Variants in UCK2 observed in about 807,000 individuals in gnomAD.
The protein encoded by UCK2 is uridine-cytidine kinase 2, also known as cytidine monophosphokinase 2.
UCK2 carries 6 observed loss-of-function variants against 30.8 expected under a neutral mutation model. The observed-to-expected ratio is 0.19, with a 90% CI of 0.11 to 0.38. The LOEUF is 0.38. UCK2 is among the 10% of genes least tolerant of loss of function. The pLI, the probability that UCK2 is intolerant of heterozygous loss-of-function variation, is 1.00. For synonymous variants in UCK2, 125 were observed against 133.6 expected (o/e 0.94, Z 0.45); for missense variants, 210 against 339.8 (o/e 0.62, Z 3.00).
At chr1:165,882,187 G>A (rs894360724) in intron 1 of UCK2, among the ~76,000 whole-genome samples, 1 of 152,200 alleles carries the variant, frequency 6.6e-6, no homozygotes, top group Non-Finnish European at 1.5e-5. Flanking sequence ...GTGGTCTGGG[G>A]ACACTGGTTC....
Position 165,840,936 on chromosome 1 carries a change from C to T in UCK2, c.99+13004C>T, listed in dbSNP as rs1341598285. Among the ~76,000 whole-genome samples, 6 of 152,188 alleles carry T rather than the reference C, an allele frequency of 3.9e-5. No individual in the cohort carries two copies. In the South Asian group the frequency reaches 8.3e-4, roughly 21 times the overall value. On this transcript the variant is annotated intron_variant, in intron 1 of 6. Transcript: ENST00000367879. ...GTTCAATGAATTATCATATGGTGAA[C>T]ATAGATTATTCCCAGCACCACAGAA...
chr1:165,866,345 A>G (rs535608739), intron 1 of UCK2, among the ~76,000 whole-genome samples: 1 of 152,264 alleles, frequency 6.6e-6, no homozygotes, highest in Non-Finnish European at 1.5e-5. Context: ...TTGAACCTGG[A>G]GGACATCTTG....
chr1:165,867,679 T>G (rs1171355463), intron 1 of UCK2, among the ~76,000 whole-genome samples: 2 of 152,230 alleles, frequency 1.3e-5, no homozygotes, highest in African/African-American at 4.8e-5. Flanking sequence ...TTGCAACAAT[T>G]CAGTCACATC....
chr1:165,888,159 T>C (rs1426845674), intron 1 of UCK2, among the ~76,000 whole-genome samples: 2 of 152,232 alleles, frequency 1.3e-5, no homozygotes, highest in South Asian at 2.1e-4. Flanking sequence ...ATTGTAACTT[T>C]AAAAGATTTC....
chr1:165,895,007 A>G (rs1655857487), intron 3 of UCK2, among the ~76,000 whole-genome samples: 2 of 152,242 alleles, frequency 1.3e-5, no homozygotes, highest in Non-Finnish European at 2.9e-5. Flanking sequence ...GGACAGAATC[A>G]AAAGACAAAA....
chr1:165,870,003 C>G (rs1030920692), intron 1 of UCK2, among the ~76,000 whole-genome samples: 32 of 151,872 alleles, frequency 2.1e-4, no homozygotes, highest in Middle Eastern at 3.2e-3. Flanking sequence ...TCTTTTGTTG[C>G]CTGTGCTTTC....
chr1:165,870,201 A>ATT (rs11336105), intron 1 of UCK2, among the ~76,000 whole-genome samples: 9 of 94,704 alleles, frequency 9.5e-5, no homozygotes, highest in African/African-American at 3.5e-4. Context: ...GTCTAACTTC[A>ATT]TTTTTTTTTT....
At chr1:165,873,097 G>C (rs916345922) in intron 1 of UCK2, among the ~76,000 whole-genome samples, 1 of 152,068 alleles carries the variant, frequency 6.6e-6, no homozygotes, top group South Asian at 2.1e-4. Flanking sequence ...AGGAACTACC[G>C]AAAAACAAAC....
intron 1 of UCK2, among the ~76,000 whole-genome samples, chr1:165,859,862 G>A (rs1006144378): frequency 1.1e-4 from 17 of 152,190 alleles, no homozygotes; most frequent in African/African-American, 4.1e-4. Flanking sequence ...ACTCAACTCT[G>A]GGGAAGAAGC....
intron 1 of UCK2, among the ~76,000 whole-genome samples, chr1:165,877,163 C>T (rs551382161): frequency 1.3e-4 from 20 of 152,130 alleles, no homozygotes; most frequent in Non-Finnish European, 2.9e-4. Flanking sequence ...TAATTATTAA[C>T]ACTGCTTTGT....
chr1:165,884,006 C>T (rs1655560008), intron 1 of UCK2, among the ~76,000 whole-genome samples: 1 of 152,158 alleles, frequency 6.6e-6, no homozygotes, highest in Non-Finnish European at 1.5e-5. Flanking sequence ...GGGAGCAACC[C>T]CTACCCGCAA....
intron 1 of UCK2, among the ~76,000 whole-genome samples, chr1:165,836,751 C>T (rs1654204049): frequency 6.6e-6 from 1 of 152,140 alleles, no homozygotes. Context: ...TCATGTGGCT[C>T]AGGAAGTTTT....
chr1:165,883,080 T>C (rs113483388), intron 1 of UCK2, among the ~76,000 whole-genome samples: 4,736 of 152,250 alleles, frequency 0.031, 244 homozygotes, highest in African/African-American at 0.11. Context: ...TGACTCGGCC[T>C]CTCAAAGTGC....
chr1:165,840,223 C>T (rs370182167), intron 1 of UCK2, among the ~76,000 whole-genome samples: 2 of 152,346 alleles, frequency 1.3e-5, no homozygotes, highest in African/African-American at 4.8e-5. Flanking sequence ...CCGGCCTGGT[C>T]AGCCTTTAAA....
intron 1 of UCK2, among the ~76,000 whole-genome samples, chr1:165,828,417 G>C (rs1430241235): frequency 6.6e-6 from 1 of 152,226 alleles, no homozygotes; most frequent in Non-Finnish European, 1.5e-5. Context: ...AGAGGGCGAG[G>C]GTGGCGGGAA....
At chr1:165,902,006 C>T (rs1015189032) in intron 4 of UCK2, among the ~76,000 whole-genome samples, 1 of 148,262 alleles carries the variant, frequency 6.7e-6, no homozygotes, top group African/African-American at 2.5e-5. Context: ...GAGGCTGAGG[C>T]GGGTGGATCA....
rs1223282712 is a variant in UCK2, at chr1:165,861,627, C to CAAA, written c.100-28557_100-28555dup. Among the ~76,000 whole-genome samples the CAAA allele has an allele frequency of 4.1e-3, 64 of 15,800 alleles. 4 individuals are homozygous for CAAA. The highest frequency in any genetic ancestry group is 5.7e-3 in the Non-Finnish European group (48 of 8,396). The allele number at this position is 15,800 out of a possible 152,430, so 10.4% of individuals were successfully genotyped here. A position where few individuals can be genotyped will look rare whatever the true frequency, so the allele number is the denominator to read the frequency against. ...TGGGCGACAGAGCGAGACTCCGTCT[C>CAAA]AAAAAAAAAAAAAAAAAAAAAACAA... On this transcript the variant is annotated intron_variant, in intron 1 of 6. Coordinates refer to ENST00000367879, the MANE Select transcript of UCK2 (RefSeq NM_012474.5).
intron 1 of UCK2, among the ~76,000 whole-genome samples, chr1:165,877,872 T>C (rs940170041): frequency 2.6e-5 from 4 of 152,194 alleles, no homozygotes; most frequent in South Asian, 2.1e-4. Flanking sequence ...GAGGAAAAGA[T>C]AGAGATTTCT....
intron 1 of UCK2, among the ~76,000 whole-genome samples, chr1:165,834,761 T>C (rs972874270): frequency 1.3e-5 from 2 of 152,184 alleles, no homozygotes; most frequent in Non-Finnish European, 2.9e-5. Context: ...TTACTTGGTT[T>C]CTCCCTGTGA....
Sources: allele counts gnomAD v4.1 joint callset (sites outside exome capture counted in the v4.1 genomes callset), GRCh38; gene constraint gnomAD v4.1.1; transcripts MANE v1.5; gene names NCBI Gene and HGNC (gene_info 2026-07-23, HGNC 2026-07-21).